HNF4A: variants seen among roughly 807,000 people sequenced by gnomAD.
HNF4A encodes the protein hepatocyte nuclear factor 4-alpha.
Under a neutral mutation model 52.4 loss-of-function variants are expected in HNF4A, and 15 were observed. The ratio of observed to expected loss-of-function variants is 0.29; its 90% confidence interval spans 0.19 to 0.44. The LOEUF (loss-of-function observed/expected upper bound fraction) is 0.44, where lower values mean the gene tolerates loss of function less well. Ranked by LOEUF, HNF4A falls within the 20% of genes least tolerant of loss-of-function variation. The pLI is 1.00. For synonymous variants in HNF4A, 280 were observed against 264.4 expected, an observed-to-expected ratio of 1.06 and a Z score of -0.57; for missense variants, 479 against 647.2, an observed-to-expected ratio of 0.74 and a Z score of 2.82.
intron 5 of HNF4A, among the ~76,000 whole-genome samples, chr20:44,417,711 AC>A (rs1416257931): frequency 1.3e-5 from 2 of 152,044 alleles, no homozygotes; most frequent in Non-Finnish European, 2.9e-5. Context: ...AGTGGTTCAC[AC>A]CTGTAATCTC....
At chr20:44,408,011 A>AT in intron 3 of HNF4A, 2 of 204,094 alleles carry the variant, frequency 9.8e-6, no homozygotes, top group South Asian at 1.9e-4. Context: ...AAGACCCCAG[A>AT]CCCATCCTGG....
chr20:44,356,401 T>C (rs2062858936), intron 1 of HNF4A, among the ~76,000 whole-genome samples: 1 of 152,112 alleles, frequency 6.6e-6, no homozygotes, highest in East Asian at 1.9e-4. Flanking sequence ...GATGCAGGGC[T>C]AGAAAGCATG....
At chr20:44,385,286 C>T (rs6073425) in intron 1 of HNF4A, among the ~76,000 whole-genome samples, 34,614 of 150,792 alleles carry the variant, frequency 0.23, 4,978 homozygotes, top group Non-Finnish European at 0.33. Context: ...TTTCAAAGTG[C>T]GGTCTGAGGG....
intron 1 of HNF4A, among the ~76,000 whole-genome samples, chr20:44,375,054 G>A (rs559838576): frequency 6.6e-6 from 1 of 152,028 alleles, no homozygotes; most frequent in South Asian, 2.1e-4. Context: ...CAAGGGTGGG[G>A]ACAAAAAAAG....
At chr20:44,386,644 A>C (rs1035580844) in intron 1 of HNF4A, among the ~76,000 whole-genome samples, 4 of 152,204 alleles carry the variant, frequency 2.6e-5, no homozygotes, top group African/African-American at 9.6e-5. Context: ...AGTTTTGATT[A>C]TCACACCTTG....
At chr20:44,424,335 A>T in intron 8 of HNF4A, 81 bp downstream of exon 8, 8 of 1,579,836 alleles carry the variant, frequency 5.1e-6, no homozygotes, top group Non-Finnish European at 6.9e-6. Flanking sequence ...CTCACCCCTC[A>T]GCTCCTTGGC....
At chr20:44,379,143 C>G (rs1486545978) in intron 1 of HNF4A, among the ~76,000 whole-genome samples, 3 of 152,112 alleles carry the variant, frequency 2.0e-5, no homozygotes, top group Admixed American at 6.5e-5. Flanking sequence ...CTTTTTAAGG[C>G]TGAATAATAT....
Position 44,401,384 on chromosome 20 carries a change from C to G in HNF4A, c.12C>G (p.Ser4=). The G allele has an allele frequency of 6.2e-7, 1 of 1,614,158 alleles. No homozygotes were observed. The highest frequency in any genetic ancestry group is 1.3e-5 in the African/African-American group (1 of 75,042). ...TGGAGGCAGGGAGAATGCGACTCTC[C>G]AAAACCCTCGTCGACATGGACATGG... Residue 4 remains serine, a synonymous_variant, in exon 1 of 10, where the codon TCC becomes TCG. Coordinates refer to ENST00000316099, the MANE Select transcript of HNF4A (RefSeq NM_000457.6).
At chr20:44,400,098 A>G (rs893202406), upstream of HNF4A, among the ~76,000 whole-genome samples, 4 of 152,238 alleles carry the variant, frequency 2.6e-5, no homozygotes, top group Admixed American at 1.3e-4. Flanking sequence ...TGAGCTTCAG[A>G]CAGCCAGGAC....
intron 4 of HNF4A, 72 bp from the exon 5 acceptor site, chr20:44,414,435 C>G: frequency 2.5e-6 from 4 of 1,606,472 alleles, no homozygotes; most frequent in Admixed American, 1.7e-5. Flanking sequence ...AGGGAGGGGG[C>G]TCTGTGCAGG....
In HNF4A at chr20:44,355,722, C is replaced by T. The variant is rs879092890; in HGVS notation, c.-83C>T. The T allele has an allele frequency of 7.0e-5, 88 of 1,259,794 alleles. No individual in the cohort carries two copies. The highest frequency in any genetic ancestry group is 9.0e-5 in the Non-Finnish European group (78 of 861,956). The allele number at this position is 1,259,794 out of a possible 1,614,324, so 78.0% of individuals were successfully genotyped here. ...CCGCACTCACCGCCTTCCTGGTGGACGGGCTCCTGGTGGCTGTGCTGCTGC... is the reference window on the plus strand; with the variant it reads ...CCGCACTCACCGCCTTCCTGGTGGATGGGCTCCTGGTGGCTGTGCTGCTGC... On this transcript the variant is annotated 5_prime_UTR_variant, in exon 1 of 10. It adds an upstream start codon to the 5' untranslated region. Coordinates refer to the HNF4A transcript ENST00000316673.
intron 1 of HNF4A, among the ~76,000 whole-genome samples, chr20:44,392,958 A>G (rs1036085615): frequency 1.3e-5 from 2 of 152,254 alleles, no homozygotes; most frequent in African/African-American, 2.4e-5. Flanking sequence ...TTGTGCAGTG[A>G]GCAACCTGCA....
chr20:44,361,650 C>T (rs1225538067), intron 1 of HNF4A, among the ~76,000 whole-genome samples: 1 of 152,014 alleles, frequency 6.6e-6, no homozygotes, highest in Non-Finnish European at 1.5e-5. Flanking sequence ...TGCACTCTAG[C>T]CTGGCGACAG....
chr20:44,387,808 T>C (rs1348329816), intron 1 of HNF4A, among the ~76,000 whole-genome samples: 4 of 151,774 alleles, frequency 2.6e-5, no homozygotes, highest in African/African-American at 9.7e-5. Flanking sequence ...GATGGAAAGA[T>C]GGAAAATCTA....
At chr20:44,367,049 C>T (rs1230906986) in intron 1 of HNF4A, among the ~76,000 whole-genome samples, 2 of 152,044 alleles carry the variant, frequency 1.3e-5, no homozygotes, top group Non-Finnish European at 2.9e-5. Flanking sequence ...TAAAAATTAA[C>T]TCCTGGCCGG....
At chr20:44,372,413 C>T (rs2063043205) in intron 1 of HNF4A, among the ~76,000 whole-genome samples, 1 of 152,194 alleles carries the variant, frequency 6.6e-6, no homozygotes, top group Non-Finnish European at 1.5e-5. Context: ...GGTGCCTCCA[C>T]CCTGGTTAGC....
intron 1 of HNF4A, 112 bp from the exon 2 acceptor site, chr20:44,405,946 C>T (rs1473506602): frequency 9.8e-7 from 1 of 1,016,698 alleles, no homozygotes; most frequent in South Asian, 1.3e-5. Flanking sequence ...GGAGTGGGAA[C>T]AGCCCCCAGA....
chr20:44,400,235 G>A (rs185336772), upstream of HNF4A, among the ~76,000 whole-genome samples: 5 of 152,216 alleles, frequency 3.3e-5, no homozygotes, highest in African/African-American at 9.6e-5. Flanking sequence ...CTAAGGGTTG[G>A]GTTGCCTGTG....
chr20:44,355,712 T>C, exon 1 of HNF4A: 1 of 1,156,690 alleles, frequency 8.6e-7, no homozygotes. Context: ...CTCACCGCCT[T>C]CCTGGTGGAC....
Sources: gnomAD v4.1 joint callset for allele counts (sites outside exome capture counted in the v4.1 genomes callset) on GRCh38, gnomAD v4.1.1 for gene constraint, MANE v1.5 for transcripts, NCBI Gene and HGNC (gene_info 2026-07-23, HGNC 2026-07-21) for gene names.